The following MACROD2 variants were observed in gnomAD, a reference collection of about 807,000 sequenced individuals.
MACROD2 encodes the protein mono-ADP ribosylhydrolase 2.
A neutral mutation model predicts 70.4 loss-of-function variants in MACROD2; 36 were observed. The observed-to-expected ratio is 0.51, with a 90% CI of 0.39 to 0.68. The LOEUF (loss-of-function observed/expected upper bound fraction) is 0.68, where lower values mean the gene tolerates loss of function less well. Among genes scored for constraint, MACROD2 ranks in the 30% least tolerant of loss-of-function variants. The pLI is 0.00. For synonymous variants in MACROD2, 172 were observed against 178.8 expected (o/e 0.96, Z 0.30); for missense variants, 496 against 538.4 (o/e 0.92, Z 0.78).
intron 13 of MACROD2, among the ~76,000 whole-genome samples, chr20:15,975,503 C>T (rs139917410): frequency 7.8e-4 from 118 of 152,006 alleles, no homozygotes; most frequent in Middle Eastern, 3.4e-3. Context: ...TCACCCATAA[C>T]GTGGAATATT....
chr20:14,411,614 AC>A (rs1568600063), intron 3 of MACROD2, among the ~76,000 whole-genome samples: 3 of 152,174 alleles, frequency 2.0e-5, no homozygotes, highest in Non-Finnish European at 2.9e-5. Flanking sequence ...AATTAGTATC[AC>A]AGTCACTAAG....
At chr20:14,956,400 G>A (rs1488720759) in intron 5 of MACROD2, among the ~76,000 whole-genome samples, 1 of 152,128 alleles carries the variant, frequency 6.6e-6, no homozygotes, top group Non-Finnish European at 1.5e-5. Context: ...AAATAAATTA[G>A]CCCTTTAAGG....
intron 13 of MACROD2, among the ~76,000 whole-genome samples, chr20:15,970,969 C>T (rs1051258835): frequency 1.3e-5 from 2 of 152,098 alleles, no homozygotes; most frequent in Non-Finnish European, 2.9e-5. Context: ...CAGAATATTT[C>T]TGAGTAACTT....
At chr20:14,816,104 G>T (rs534668352) in intron 5 of MACROD2, among the ~76,000 whole-genome samples, 3 of 152,030 alleles carry the variant, frequency 2.0e-5, no homozygotes, top group Non-Finnish European at 2.9e-5. Flanking sequence ...AAAATGGAAT[G>T]AGCAATACGC....
intron 4 of MACROD2, among the ~76,000 whole-genome samples, chr20:14,596,896 T>C (rs868090629): frequency 3.3e-5 from 5 of 152,304 alleles, no homozygotes; most frequent in African/African-American, 7.2e-5. Flanking sequence ...ATGCAGCCTG[T>C]TATCATTTGA....
chr20:15,093,183 T>C (rs896463514), intron 5 of MACROD2, among the ~76,000 whole-genome samples: 1 of 152,196 alleles, frequency 6.6e-6, no homozygotes, highest in Non-Finnish European at 1.5e-5. Context: ...CCAAAGATTA[T>C]TGATTTTATT....
chr20:14,677,711 G>A (rs576648778), intron 4 of MACROD2, among the ~76,000 whole-genome samples: 39 of 152,240 alleles, frequency 2.6e-4, no homozygotes, highest in African/African-American at 7.9e-4. Flanking sequence ...TCTTTAATAA[G>A]TCTCTGTTTT....
In MACROD2 at chr20:15,998,984, G is replaced by C. The variant is rs377219345; in HGVS notation, c.1153+11826G>C. On this transcript the variant is annotated intron_variant, in intron 15 of 17. Coordinates refer to ENST00000684519, the MANE Select transcript of MACROD2 (RefSeq NM_001351661.2). ...ATTCTCTATTTCATTAGAGATCAGA[G>C]ATTTCATGAGAGATTAGAGATTTCA... 9.2e-5 allele frequency among the ~76,000 whole-genome samples: 14 copies of C among 152,058 alleles called. No individual in the cohort carries two copies. In the East Asian group the frequency reaches 2.5e-3, roughly 27 times the overall value.
intron 3 of MACROD2, among the ~76,000 whole-genome samples, chr20:14,117,045 G>A (rs536917562): frequency 3.0e-5 from 4 of 132,234 alleles, no homozygotes; most frequent in Admixed American, 8.1e-5. Context: ...CCAGCCTGGC[G>A]ACAGAACAAG....
intron 8 of MACROD2, among the ~76,000 whole-genome samples, chr20:15,770,084 A>ATTTTAT (rs1234797549): frequency 8.0e-6 from 1 of 125,704 alleles, no homozygotes; most frequent in African/African-American, 3.3e-5. Flanking sequence ...ATTTATTTTA[A>ATTTTAT]TTTTCTTTTT....
intron 2 of MACROD2, among the ~76,000 whole-genome samples, chr20:14,082,384 G>A (rs2054010907): frequency 6.7e-6 from 1 of 148,308 alleles, no homozygotes; most frequent in African/African-American, 2.5e-5. Context: ...AGTAGAGACG[G>A]AGTTTCACCA....
In MACROD2 at chr20:14,594,965, A is replaced by G. The variant is rs1046275261; in HGVS notation, c.302-89878A>G. Among the ~76,000 whole-genome samples the G allele has an allele frequency of 1.1e-4, 16 of 152,194 alleles. No individual in the cohort carries two copies. In the East Asian group the frequency reaches 2.5e-3, roughly 24 times the overall value. On this transcript the variant is annotated intron_variant, in intron 4 of 17. Coordinates refer to ENST00000684519, the MANE Select transcript of MACROD2 (RefSeq NM_001351661.2). ...CAAATTTCACTGCCATTATTTCACC[A>G]TACACTTTTCCTGTCTTTTTTTCCC...
At chr20:15,505,065 A>G (rs746363254) in intron 8 of MACROD2, among the ~76,000 whole-genome samples, 5 of 152,206 alleles carry the variant, frequency 3.3e-5, no homozygotes, top group African/African-American at 4.8e-5. Flanking sequence ...AGGGACTCAT[A>G]TGGCATTTGG....
At chr20:15,789,512 G>A (rs1262672130) in intron 8 of MACROD2, among the ~76,000 whole-genome samples, 1 of 152,090 alleles carries the variant, frequency 6.6e-6, no homozygotes, top group Non-Finnish European at 1.5e-5. Context: ...ATGTAACAGC[G>A]ATTCTAAAAT....
At chr20:15,234,022 T>G (rs1212730651) in intron 6 of MACROD2, among the ~76,000 whole-genome samples, 2 of 17,380 alleles carry the variant, frequency 1.2e-4, no homozygotes, top group African/African-American at 4.6e-4. Context: ...CTTTTTTTTT[T>G]TTTTTTTTTT....
intron 5 of MACROD2, among the ~76,000 whole-genome samples, chr20:15,015,498 C>CTTTTTTTTT: frequency 6.6e-6 from 1 of 151,030 alleles, no homozygotes. Flanking sequence ...TGGTAGTACC[C>CTTTTTTTTT]CCAGCACACA....
At chr20:14,630,002 T>C (rs1287029861) in intron 4 of MACROD2, among the ~76,000 whole-genome samples, 3 of 151,988 alleles carry the variant, frequency 2.0e-5, no homozygotes, top group African/African-American at 7.3e-5. Flanking sequence ...TATCTATCCA[T>C]CCCCTTTTAA....
intron 12 of MACROD2, among the ~76,000 whole-genome samples, chr20:15,945,564 G>A (rs1568659139): frequency 1.3e-5 from 2 of 152,162 alleles, no homozygotes. Flanking sequence ...AGCAGTATGT[G>A]TTTTTAATAG....
intron 5 of MACROD2, among the ~76,000 whole-genome samples, chr20:14,760,532 T>C (rs1196830280): frequency 6.6e-6 from 1 of 152,128 alleles, no homozygotes; most frequent in Non-Finnish European, 1.5e-5. Context: ...CTCTAAATCA[T>C]GAGTTAAGTA....
Sources: allele counts gnomAD v4.1 joint callset (sites outside exome capture counted in the v4.1 genomes callset), GRCh38; gene constraint gnomAD v4.1.1; transcripts MANE v1.5; gene names NCBI Gene and HGNC (gene_info 2026-07-23, HGNC 2026-07-21).